The following TMEM131 variants were observed in gnomAD, a reference collection of about 807,000 sequenced individuals.
TMEM131 encodes 2610524E03Rik.
A neutral mutation model predicts 211.6 loss-of-function variants in TMEM131; 66 were observed. That is an observed-to-expected ratio of 0.31 (90% CI 0.26 to 0.38). TMEM131 has a LOEUF of 0.38. Ranked by LOEUF, TMEM131 falls within the 10% of genes least tolerant of loss-of-function variation. TMEM131 has a pLI of 1.00. For synonymous variants in TMEM131, 844 were observed against 841.3 expected, an observed-to-expected ratio of 1.00 and a Z score of -0.06; for missense variants, 2,036 against 2,299.3, an observed-to-expected ratio of 0.89 and a Z score of 2.34.
chr2:97,880,005 G>A (rs1221486833), intron 4 of TMEM131, among the ~76,000 whole-genome samples: 1 of 152,188 alleles, frequency 6.6e-6, no homozygotes, highest in Non-Finnish European at 1.5e-5. Context: ...GAAAGGTCAT[G>A]AGGTCTGCTG....
At chr2:97,911,520 G>C (rs1676290787) in intron 2 of TMEM131, 1 of 460,378 alleles carries the variant, frequency 2.2e-6, no homozygotes, top group Admixed American at 6.4e-5. Flanking sequence ...CTACAGAAAA[G>C]GAACTCAGGA....
At chr2:97,988,554 T>A (rs1402483372) in intron 1 of TMEM131, among the ~76,000 whole-genome samples, 1 of 152,152 alleles carries the variant, frequency 6.6e-6, no homozygotes, top group Non-Finnish European at 1.5e-5. Flanking sequence ...CCAGAATATA[T>A]AAGGAACTCC....
chr2:97,791,117 A>C (rs1027064476), intron 31 of TMEM131, among the ~76,000 whole-genome samples: 3 of 152,206 alleles, frequency 2.0e-5, no homozygotes, highest in Non-Finnish European at 2.9e-5. Flanking sequence ...GGAAGATGCA[A>C]AAAAGCTCAG....
intron 1 of TMEM131, among the ~76,000 whole-genome samples, chr2:97,931,094 G>A (rs1677199984): frequency 6.6e-6 from 1 of 151,826 alleles, no homozygotes; most frequent in Admixed American, 6.6e-5. Flanking sequence ...GAATGCTCAT[G>A]ACTAACAGCA....
intron 1 of TMEM131, among the ~76,000 whole-genome samples, chr2:97,960,860 C>A (rs963494960): frequency 1.3e-4 from 19 of 151,614 alleles, no homozygotes; most frequent in Non-Finnish European, 4.4e-5. Flanking sequence ...ACCAGAAAAG[C>A]AAGGATGGTT....
At chr2:97,961,833 C>G (rs1678831054) in intron 1 of TMEM131, among the ~76,000 whole-genome samples, 1 of 152,170 alleles carries the variant, frequency 6.6e-6, no homozygotes. Flanking sequence ...TGCAAATGCA[C>G]TTTAAAAAGT....
Position 97,792,571 on chromosome 2 carries a change from C to T in TMEM131, c.3959G>A (p.Arg1320Lys), listed in dbSNP as rs1181628769. 5 of 1,613,202 alleles carry T rather than the reference C, an allele frequency of 3.1e-6. No homozygotes were observed. The highest frequency in any genetic ancestry group is 4.2e-6 in the Non-Finnish European group (5 of 1,179,678). Reference protein sequence around the residue: ...VPQPQEPQPERLSPAPLAHPS... With the variant: ...VPQPQEPQPEKLSPAPLAHPS... ...GTGTGCGAGGGGGGCGGGAGACAGC[C>T]TTTCAGGCTGCGGCTCCTGGGGCTG... Residue 1320 changes from arginine (R) to lysine (K), a missense_variant, in exon 31 of 41, where the codon AGG becomes AAG. Coordinates refer to ENST00000186436, the MANE Select transcript of TMEM131 (RefSeq NM_015348.2).
intron 5 of TMEM131, among the ~76,000 whole-genome samples, chr2:97,857,928 G>A (rs993647789): frequency 7.9e-5 from 12 of 152,144 alleles, no homozygotes; most frequent in Non-Finnish European, 1.0e-4. Flanking sequence ...TAACTCAAGG[G>A]AAAGCTATTT....
At chr2:97,971,530 CAAAACTTTGTGA>C (rs1482321322) in intron 1 of TMEM131, among the ~76,000 whole-genome samples, 2 of 152,144 alleles carry the variant, frequency 1.3e-5, no homozygotes. Context: ...ATTCTCAAAT[CAAAACTTTGTGA>C]AATAATCCAT....
chr2:97,827,426 G>A, intron 11 of TMEM131: 1 of 1,066,390 alleles, frequency 9.4e-7, no homozygotes, highest in East Asian at 2.4e-5. Flanking sequence ...GGAGCAAAGG[G>A]AAAACAGGCC....
At chr2:97,905,051 TA>T (rs1360984265) in intron 3 of TMEM131, among the ~76,000 whole-genome samples, 1 of 152,204 alleles carries the variant, frequency 6.6e-6, no homozygotes, top group Non-Finnish European at 1.5e-5. Context: ...TTTTTCCACA[TA>T]TTTTTGCCTT....
At chr2:97,767,938 C>T (rs377000699) in intron 33 of TMEM131, among the ~76,000 whole-genome samples, 18 of 152,266 alleles carry the variant, frequency 1.2e-4, no homozygotes, top group East Asian at 9.7e-4. Flanking sequence ...CCAACTTTCC[C>T]GATCTAACGG....
intron 2 of TMEM131, among the ~76,000 whole-genome samples, chr2:97,916,365 A>G (rs1193621057): frequency 6.6e-6 from 1 of 152,226 alleles, no homozygotes; most frequent in Non-Finnish European, 1.5e-5. Context: ...TTTAAAGTAG[A>G]AAATAAAAAC....
At chr2:97,766,924 C>T (rs1403819894) in intron 33 of TMEM131, among the ~76,000 whole-genome samples, 1 of 152,196 alleles carries the variant, frequency 6.6e-6, no homozygotes, top group East Asian at 1.9e-4. Context: ...AAGCCCTTAG[C>T]TCCAACTTGC....
Position 97,805,539 on chromosome 2 carries a change from A to G in TMEM131, c.2208+12T>C, listed in dbSNP as rs182174199. On this transcript the variant is annotated intron_variant, in intron 20 of 40. Coordinates refer to ENST00000186436, the MANE Select transcript of TMEM131 (RefSeq NM_015348.2). ...TAACCAATGGGAATTCTCAAATATA[A>G]TATCTTCAAACCTTTGATTTTTTTC... The G allele has an allele frequency of 3.6e-4, 587 of 1,609,556 alleles. 4 individuals carry two copies. The African/African-American group carries it at 5.8e-3, about 16-fold the overall frequency.
rs1472568645 is a variant in TMEM131, at chr2:97,859,343, A to G, written c.444T>C (p.Ala148=). ...EETITLVSIS[A]TTSHFHASFF... is the part of the protein sequence containing the mutation. ...ATGATGCATGAAAATGTGATGTTGT[A>G]GCAGATATTGATACTAAAGTAATCG... Residue 148 remains alanine, a synonymous_variant, in exon 5 of 41, where the codon GCT becomes GCC. Coordinates refer to ENST00000186436, the MANE Select transcript of TMEM131 (RefSeq NM_015348.2). The G allele has an allele frequency of 6.2e-7, 1 of 1,602,798 alleles. No homozygotes were observed. The highest frequency in any genetic ancestry group is 1.7e-5 in the Admixed American group (1 of 57,234).
At chr2:97,759,994 G>A in intron 38 of TMEM131, 1 of 446,866 alleles carries the variant, frequency 2.2e-6, no homozygotes, top group Non-Finnish European at 4.0e-6. Context: ...GTGTTTTGCA[G>A]AGAAACAGAC....
intron 19 of TMEM131, among the ~76,000 whole-genome samples, chr2:97,808,170 A>G (rs1018877372): frequency 2.0e-5 from 3 of 152,204 alleles, no homozygotes; most frequent in Admixed American, 1.3e-4. Context: ...AATTTTGTGC[A>G]TGAAGCAAAG....
intron 8 of TMEM131, among the ~76,000 whole-genome samples, chr2:97,835,260 T>C (rs1365430890): frequency 6.6e-6 from 1 of 152,212 alleles, no homozygotes; most frequent in African/African-American, 2.4e-5. Flanking sequence ...AATATGCTAG[T>C]TAGTGGTGTT....
Sources: allele counts gnomAD v4.1 joint callset (sites outside exome capture counted in the v4.1 genomes callset), GRCh38; gene constraint gnomAD v4.1.1; transcripts MANE v1.5; gene names NCBI Gene and HGNC (gene_info 2026-07-23, HGNC 2026-07-21).